Variants in PAK1 observed in about 807,000 individuals in gnomAD.
The protein encoded by PAK1 is serine/threonine-protein kinase PAK 1.
In PAK1, 29 loss-of-function variants were observed where a neutral mutation model predicts 67.4. The observed-to-expected ratio is 0.43, with a 90% confidence interval of 0.32 to 0.59. The LOEUF is 0.59. PAK1 is among the 20% of genes least tolerant of loss of function. The probability of loss-of-function intolerance (pLI) is 0.07; values close to 1 mark genes in which losing one functional copy is unlikely to be tolerated. For synonymous variants in PAK1, 223 were observed against 237.4 expected (o/e 0.94, Z 0.56); for missense variants, 337 against 670.7 (o/e 0.50, Z 5.50).
At chr11:77,408,532 T>TACACATAC (rs1555167878) in intron 1 of PAK1, among the ~76,000 whole-genome samples, 2,413 of 137,930 alleles carry the variant, frequency 0.017, 30 homozygotes, top group South Asian at 0.043. Flanking sequence ...TATGGAGAAA[T>TACACATAC]ACACACACAC....
At chr11:77,387,528 C>A (rs1950605811) in intron 2 of PAK1, among the ~76,000 whole-genome samples, 1 of 152,218 alleles carries the variant, frequency 6.6e-6, no homozygotes, top group South Asian at 2.1e-4. Flanking sequence ...CCTTGAGCAA[C>A]TTACTTTTCT....
chr11:77,477,567 C>CAAAA (rs61075974), upstream of PAK1, among the ~76,000 whole-genome samples: 21 of 84,194 alleles, frequency 2.5e-4, no homozygotes, highest in Non-Finnish European at 3.3e-4. Flanking sequence ...ACCATCTCTA[C>CAAAA]AAAAAAAAAA....
intron 1 of PAK1, among the ~76,000 whole-genome samples, chr11:77,400,442 T>C (rs1952520678): frequency 6.6e-6 from 1 of 152,092 alleles, no homozygotes; most frequent in Admixed American, 6.5e-5. Flanking sequence ...AACAAGGTTG[T>C]GGAGAGATGA....
chr11:77,353,449 T>G, intron 8 of PAK1, 87 bp downstream of exon 8: 1 of 877,624 alleles, frequency 1.1e-6, no homozygotes, highest in Non-Finnish European at 1.9e-6. Context: ...ACAAGGTTTA[T>G]GAGAGGCAAA....
Position 77,343,833 on chromosome 11 carries a change from C to T in PAK1, c.984G>A (p.Val328=). 1 of 1,602,582 alleles carries T rather than the reference C, an allele frequency of 6.2e-7. No individual in the cohort carries two copies. Among genetic ancestry groups the T allele is most frequent in the South Asian group, 1.1e-5 (1 of 90,850 alleles). The change falls in exon 10 of 15, where the codon GTG becomes GTA. Residue 328 remains valine, a synonymous_variant. Transcript: ENST00000356341. ...VMRENKNPNI[V]NYLDSYLVGD... ...CCACTCCATACCTGTCCAAGTAATTCACAATGTTTGGGTTCTTGTTTTCCC... is the reference window on the plus strand; with the variant it reads ...CCACTCCATACCTGTCCAAGTAATTTACAATGTTTGGGTTCTTGTTTTCCC...
chr11:77,370,182 C>T (rs1565627063), intron 5 of PAK1, among the ~76,000 whole-genome samples: 3 of 152,156 alleles, frequency 2.0e-5, no homozygotes, highest in Admixed American at 6.5e-5. Context: ...TCCCCTCCTC[C>T]CAGGTATCAA....
At chr11:77,416,083 A>AT (rs1449481939) in intron 1 of PAK1, among the ~76,000 whole-genome samples, 1 of 151,750 alleles carries the variant, frequency 6.6e-6, no homozygotes, top group African/African-American at 2.4e-5. Flanking sequence ...GGTTCAAGCA[A>AT]TTCTTGTGCC....
chr11:77,414,595 C>A (rs1455081383), intron 1 of PAK1, among the ~76,000 whole-genome samples: 1 of 152,176 alleles, frequency 6.6e-6, no homozygotes, highest in Non-Finnish European at 1.5e-5. Flanking sequence ...AATAGACCCA[C>A]ACAAATGTGG....
rs1953440521 is a variant in PAK1 at position 77,405,708 on chromosome 11, CA to C, written c.-21-13168del. Among the ~76,000 whole-genome samples, 3 of 151,588 alleles carry C rather than the reference CA, an allele frequency of 2.0e-5. No homozygotes were observed. In the South Asian group the frequency reaches 6.3e-4, roughly 32 times the overall value. On this transcript the variant is annotated intron_variant, in intron 1 of 14. Coordinates refer to ENST00000356341, the MANE Select transcript of PAK1 (RefSeq NM_002576.5). ...ACACACACACACACACACACACACA[CA>C]CACACCCTTCCCTTGACACCCACAT...
chr11:77,504,623 G>T, the PAK1 span, among the ~76,000 whole-genome samples: 1 of 152,282 alleles, frequency 6.6e-6, no homozygotes, highest in African/African-American at 2.4e-5. Context: ...GAATGAGACT[G>T]AAAAAGACAA....
chr11:77,402,598 C>T (rs1375632175), intron 1 of PAK1, among the ~76,000 whole-genome samples: 1 of 152,052 alleles, frequency 6.6e-6, no homozygotes, highest in African/African-American at 2.4e-5. Flanking sequence ...AAAGTTGAGG[C>T]CCTTACAATC....
At chr11:77,490,700 G>T in the PAK1 span, among the ~76,000 whole-genome samples, 2 of 152,256 alleles carry the variant, frequency 1.3e-5, no homozygotes, top group Admixed American at 1.3e-4. Flanking sequence ...GGGAAAGGTG[G>T]GGAAAAGATT....
chr11:77,476,611 A>G (rs1958063674), upstream of PAK1: 1 of 152,240 alleles, frequency 6.6e-6, no homozygotes, highest in African/African-American at 2.4e-5. Flanking sequence ...AAAGGAAGAG[A>G]TGGTATCCTG....
At chr11:77,353,204 T>C (rs1945513562) in intron 8 of PAK1, 1 of 238,758 alleles carries the variant, frequency 4.2e-6, no homozygotes, top group South Asian at 8.8e-5. Context: ...ATATTAGTGC[T>C]GGTGGATCTC....
intron 1 of PAK1, among the ~76,000 whole-genome samples, chr11:77,441,515 T>C (rs1197690287): frequency 6.6e-6 from 1 of 152,220 alleles, no homozygotes. Flanking sequence ...CTGGCTGAAA[T>C]GGAGGTGGAT....
rs138927665 is a variant in PAK1 at position 77,390,645 on chromosome 11, C to T, written c.190+1686G>A. On this transcript the variant is annotated intron_variant, in intron 2 of 14. Coordinates refer to ENST00000356341, the MANE Select transcript of PAK1 (RefSeq NM_002576.5). ...CCAAGCAGCTGTTACTACAGGCACA[C>T]GCCACCATGCCCGACTCCTTTTTTT... Among the ~76,000 whole-genome samples, 1,006 of 150,790 alleles carry T rather than the reference C, an allele frequency of 6.7e-3. 13 individuals are homozygous for T. Among genetic ancestry groups the T allele is most frequent in the African/African-American group, 0.024 (968 of 41,082 alleles).
chr11:77,372,644 A>T, intron 5 of PAK1, among the ~76,000 whole-genome samples: 1 of 152,152 alleles, frequency 6.6e-6, no homozygotes, highest in East Asian at 1.9e-4. Context: ...CTTTAAGATA[A>T]GTCAAACTCC....
intron 14 of PAK1, among the ~76,000 whole-genome samples, chr11:77,324,406 C>T (rs920833549): frequency 6.6e-6 from 1 of 152,138 alleles, no homozygotes; most frequent in Non-Finnish European, 1.5e-5. Context: ...CTCCTGACCT[C>T]AACTGATCCA....
At chr11:77,479,109 A>T (rs1361274179), upstream of PAK1, among the ~76,000 whole-genome samples, 2 of 151,086 alleles carry the variant, frequency 1.3e-5, no homozygotes. Flanking sequence ...AAAAGTTAAG[A>T]TCTAAGCATT....
Sources: allele counts gnomAD v4.1 joint callset (sites outside exome capture counted in the v4.1 genomes callset), GRCh38; gene constraint gnomAD v4.1.1; transcripts MANE v1.5; gene names NCBI Gene and HGNC (gene_info 2026-07-23, HGNC 2026-07-21).